SLC43A1: variants seen among roughly 807,000 people sequenced by gnomAD.
The protein encoded by SLC43A1 is large neutral amino acids transporter small subunit 3.
In SLC43A1, 31 loss-of-function variants were observed where a neutral mutation model predicts 59.5. The ratio of observed to expected loss-of-function variants is 0.52; its 90% confidence interval spans 0.39 to 0.70. The LOEUF is 0.70. Ranked by LOEUF, SLC43A1 falls within the 30% of genes least tolerant of loss-of-function variation. The pLI, the probability that SLC43A1 is intolerant of heterozygous loss-of-function variation, is 0.00. For synonymous variants in SLC43A1, 259 were observed against 290.9 expected (o/e 0.89, Z 1.12); for missense variants, 598 against 717.8 (o/e 0.83, Z 1.91).
chr11:57,507,078 A>G (rs1388366993), intron 2 of SLC43A1, among the ~76,000 whole-genome samples: 3 of 152,188 alleles, frequency 2.0e-5, no homozygotes, highest in Non-Finnish European at 2.9e-5. Context: ...CTGTAATCTC[A>G]GCACTTTGGG....
Position 57,488,925 on chromosome 11 carries a change from T to C in SLC43A1, c.1400A>G (p.Tyr467Cys), listed in dbSNP as rs772035105. 75 of 1,613,632 alleles carry C rather than the reference T, an allele frequency of 4.6e-5. No individual in the cohort carries two copies. The East Asian group carries it at 1.1e-3, about 23-fold the overall frequency. Residue 467 changes from tyrosine (Y) to cysteine (C), a missense_variant, in exon 13 of 15, where the codon TAT (tyrosine) becomes TGT (cysteine). By Grantham distance (194) the Tyr-to-Cys change is radical. Coordinates refer to ENST00000278426, the MANE Select transcript of SLC43A1 (RefSeq NM_003627.6). ...GFFHSACGSLYAAVFPSNHFG... is the reference protein window; with the variant it reads ...GFFHSACGSLCAAVFPSNHFG... ...AGCCCAACAGACTCACACTGCAGCA[T>C]AGAGACTCCCACAGGCTGAGTGGAA...
chr11:57,485,784 G>C (rs958513878), intron 14 of SLC43A1, among the ~76,000 whole-genome samples: 1 of 152,240 alleles, frequency 6.6e-6, no homozygotes, highest in Non-Finnish European at 1.5e-5. Flanking sequence ...TTCTTACTGA[G>C]TGCCTCCTTC....
chr11:57,509,311 C>T (rs772023955), intron 2 of SLC43A1, among the ~76,000 whole-genome samples: 1 of 151,236 alleles, frequency 6.6e-6, no homozygotes, highest in East Asian at 2.0e-4. Context: ...AAACACAGGC[C>T]GGGCATGGTG....
intron 2 of SLC43A1, among the ~76,000 whole-genome samples, chr11:57,509,682 G>A (rs1308834235): frequency 1.7e-5 from 2 of 119,492 alleles, no homozygotes. Flanking sequence ...AGGAGGGAGG[G>A]AGGGAGAGAG....
chr11:57,490,001 T>A (rs1943854139), intron 11 of SLC43A1, among the ~76,000 whole-genome samples: 1 of 152,118 alleles, frequency 6.6e-6, no homozygotes, highest in South Asian at 2.1e-4. Context: ...CCCTCACCAT[T>A]AGGAGCAGAG....
chr11:57,506,493 G>A (rs769843937), intron 2 of SLC43A1, among the ~76,000 whole-genome samples: 17 of 152,154 alleles, frequency 1.1e-4, no homozygotes, highest in Non-Finnish European at 1.6e-4. Context: ...CATTGATCAT[G>A]CCACTGCACT....
intron 2 of SLC43A1, among the ~76,000 whole-genome samples, chr11:57,504,356 C>T (rs967640924): frequency 6.6e-6 from 1 of 152,176 alleles, no homozygotes; most frequent in African/African-American, 2.4e-5. Context: ...CCCTGCTTTA[C>T]CCAATTATTA....
intron 11 of SLC43A1, 126 bp from the exon 12 acceptor site, chr11:57,489,518 G>A: frequency 8.3e-7 from 1 of 1,207,594 alleles, no homozygotes; most frequent in Non-Finnish European, 1.2e-6. Flanking sequence ...AGAAATCCAT[G>A]TTTCTATGGG....
chr11:57,498,218 G>C (rs566090479), intron 5 of SLC43A1, among the ~76,000 whole-genome samples: 1 of 152,180 alleles, frequency 6.6e-6, no homozygotes, highest in South Asian at 2.1e-4. Flanking sequence ...AAGCTGGTGG[G>C]AAGCTTGAGG....
chr11:57,511,211 C>T (rs1211624349), intron 2 of SLC43A1, among the ~76,000 whole-genome samples: 6 of 152,022 alleles, frequency 3.9e-5, no homozygotes, highest in Non-Finnish European at 8.8e-5. Flanking sequence ...ATCACTTGAG[C>T]CCAGGAGTTC....
chr11:57,487,495 T>C (rs376804223), intron 13 of SLC43A1, among the ~76,000 whole-genome samples: 4 of 152,134 alleles, frequency 2.6e-5, no homozygotes, highest in African/African-American at 7.2e-5. Flanking sequence ...AGGGATGGCA[T>C]TGACCTCGCA....
At chr11:57,491,560 G>C in intron 10 of SLC43A1, 31 bp downstream of exon 10, 5 of 1,613,538 alleles carry the variant, frequency 3.1e-6, no homozygotes, top group Non-Finnish European at 4.2e-6. Flanking sequence ...TGGGGTGGGC[G>C]TGAGCCAGGG....
At chr11:57,510,864 C>A (rs535144756) in intron 2 of SLC43A1, among the ~76,000 whole-genome samples, 289 of 151,896 alleles carry the variant, frequency 1.9e-3, no homozygotes, top group African/African-American at 6.5e-3. Context: ...TGGTGGCGGG[C>A]GCCTGTACCT....
In SLC43A1 at chr11:57,513,998, G is replaced by A; in HGVS notation, c.114C>T (p.Ile38=). 6.9e-7 allele frequency: 1 copy of A among 1,450,932 alleles called. No homozygotes were observed. The highest frequency in any genetic ancestry group is 9.3e-7 in the Non-Finnish European group (1 of 1,077,568). The allele number at this position is 1,450,932 out of a possible 1,614,324, so 89.9% of individuals were successfully genotyped here. A position where few individuals can be genotyped will look rare whatever the true frequency, so the allele number is the denominator to read the frequency against. ...AATAGAAGCCCTCGTTCTTCAGAAT[G>A]ATCAACAGGGAGCCCCAGCCCAGGA... The part of the protein sequence containing the change: ...AVLLGWGSLL[I]ILKNEGFYSS... The change falls in exon 2 of 15, where the codon ATC becomes ATT. Residue 38 remains isoleucine (I), a synonymous_variant. Coordinates refer to ENST00000278426, the MANE Select transcript of SLC43A1 (RefSeq NM_003627.6).
rs755123086 is a variant in SLC43A1 at position 57,500,994 on chromosome 11, C to T, written c.382G>A (p.Val128Met). The T allele has an allele frequency of 3.1e-6, 5 of 1,598,896 alleles. No individual in the cohort carries two copies. The highest frequency in any genetic ancestry group is 2.7e-5 in the African/African-American group (2 of 74,622). Residue 128 changes from valine to methionine, a missense_variant, in exon 4 of 15, where the codon GTG (valine) becomes ATG (methionine). Transcript: ENST00000278426. Reference sequence around the variant, plus strand: ...AAGAGGACAGACAACTCACCTTCCACGTCCCGGGAGGCCAGGGCCATGAGG... The same window carrying T: ...AAGAGGACAGACAACTCACCTTCCATGTCCCGGGAGGCCAGGGCCATGAGG... The part of the protein sequence containing the change: ...CTLMALASRD[V>M]EALSPLIFLA...
rs144479795 is a variant in SLC43A1 at position 57,489,272 on chromosome 11, G to A, written c.1314C>T (p.Leu438=). The A allele has an allele frequency of 1.9e-6, 3 of 1,614,076 alleles. No homozygotes were observed. The highest frequency in any genetic ancestry group is 1.3e-5 in the African/African-American group (1 of 74,920). The change falls in exon 12 of 15, where the codon CTC becomes CTT. Residue 438 remains leucine (L), a synonymous_variant. Coordinates refer to ENST00000278426, the MANE Select transcript of SLC43A1 (RefSeq NM_003627.6). ...LLLVGFGITC[L]INNLHLQFVT... ...GTACCTGGAGGTGTAAGTTGTTGATGAGACAGGTGATGCCAAAACCCACAA... is the reference window on the plus strand; with the variant it reads ...GTACCTGGAGGTGTAAGTTGTTGATAAGACAGGTGATGCCAAAACCCACAA...
intron 5 of SLC43A1, among the ~76,000 whole-genome samples, chr11:57,498,651 G>A (rs1190056791): frequency 6.6e-6 from 1 of 152,044 alleles, no homozygotes; most frequent in East Asian, 1.9e-4. Flanking sequence ...TAACCCTCTC[G>A]GTTGACGTCC....
chr11:57,514,223 A>T lies in SLC43A1; in HGVS notation c.-13-99T>A. ...CCGAGACCTCTCGGGCCAGCCCGCG[A>T]GGAGCCCCTCATGGAGGCCCCATAG... On this transcript the variant is annotated intron_variant, in intron 1 of 14. Transcript: ENST00000278426. The surrounding 1 kb of genome is among the most constrained non-coding windows in gnomAD (Gnocchi z 5.5). The T allele has an allele frequency of 7.2e-7, 1 of 1,382,994 alleles. No homozygotes were observed. The highest frequency in any genetic ancestry group is 9.5e-7 in the Non-Finnish European group (1 of 1,050,112). The allele number at this position is 1,382,994 out of a possible 1,614,324, so 85.7% of individuals were successfully genotyped here.
Position 57,515,077 on chromosome 11 carries a change from C to T in SLC43A1, c.-14+367G>A. ...GCGGAGAGGAGAAGGGCAAGAAAGA[C>T]CCAGAGAGAGGGGAGGAAGTACCAG... On this transcript the variant is annotated intron_variant, in intron 1 of 14. Transcript: ENST00000278426. This position sits in a 1 kb window ranked among gnomAD's most constrained non-coding sequence, Gnocchi z 5.3. 1 of 985,202 alleles carries T rather than the reference C, an allele frequency of 1.0e-6. No homozygotes were observed. Among genetic ancestry groups the T allele is most frequent in the African/African-American group, 1.7e-5 (1 of 57,252 alleles). 61.0% of individuals were successfully genotyped at this position (985,202 alleles called of 1,614,324 possible). A position where few individuals can be genotyped will look rare whatever the true frequency, so the allele number is the denominator to read the frequency against.
Sources: allele counts gnomAD v4.1 joint callset (sites outside exome capture counted in the v4.1 genomes callset), GRCh38; gene constraint gnomAD v4.1.1; non-coding constraint Gnocchi (gnomAD v3.1); transcripts MANE v1.5; gene names NCBI Gene and HGNC (gene_info 2026-07-23, HGNC 2026-07-21).